The following CAMTA1 variants were observed in gnomAD, a reference collection of about 807,000 sequenced individuals.
CAMTA1 encodes calmodulin-binding transcription activator 1.
Under a neutral mutation model 170.9 loss-of-function variants are expected in CAMTA1, and 27 were observed. The observed-to-expected ratio is 0.16, with a 90% CI of 0.12 to 0.22. The LOEUF is 0.22. Among genes scored for constraint, CAMTA1 ranks in the 10% least tolerant of loss-of-function variants. The pLI, the probability that CAMTA1 is intolerant of heterozygous loss-of-function variation, is 1.00. For synonymous variants in CAMTA1, 833 were observed against 891.5 expected (o/e 0.93, Z 1.17); for missense variants, 1,619 against 2,217.2 (o/e 0.73, Z 5.42).
At chr1:7,307,429 G>A (rs964915559) in intron 5 of CAMTA1, among the ~76,000 whole-genome samples, 1 of 151,630 alleles carries the variant, frequency 6.6e-6, no homozygotes, top group Admixed American at 6.6e-5. Flanking sequence ...CAATTTACAG[G>A]CTTTTATTTC....
intron 5 of CAMTA1, among the ~76,000 whole-genome samples, chr1:7,327,720 T>G (rs1490147246): frequency 6.6e-6 from 1 of 152,202 alleles, no homozygotes; most frequent in African/African-American, 2.4e-5. Context: ...TTATGTTTTC[T>G]CTCCATTCCA....
At chr1:6,960,487 C>T (rs1300892516) in intron 3 of CAMTA1, among the ~76,000 whole-genome samples, 1 of 152,102 alleles carries the variant, frequency 6.6e-6, no homozygotes, top group East Asian at 1.9e-4. Flanking sequence ...GGCACTGGGT[C>T]CAGATTTAGT....
Position 7,124,019 on chromosome 1 carries a change from G to A in CAMTA1, c.302+32648G>A, listed in dbSNP as rs144871873. On this transcript the variant is annotated intron_variant, in intron 4 of 22. Coordinates refer to ENST00000303635, the MANE Select transcript of CAMTA1 (RefSeq NM_015215.4). ...TTCTCAGCTGCAGGAATGCGTCTTG[G>A]CCAGAGGTGGGTTGGGCTTGGGGGC... Among the ~76,000 whole-genome samples the A allele has an allele frequency of 3.3e-5, 5 of 152,288 alleles. No individual in the cohort carries two copies. In the East Asian group the frequency reaches 9.7e-4, roughly 29 times the overall value.
chr1:6,884,610 A>G (rs1672655534), intron 3 of CAMTA1, among the ~76,000 whole-genome samples: 1 of 152,188 alleles, frequency 6.6e-6, no homozygotes, highest in Non-Finnish European at 1.5e-5. Context: ...CTGCAGTATC[A>G]TAATTAACCA....
intron 5 of CAMTA1, among the ~76,000 whole-genome samples, chr1:7,447,898 CA>C (rs2149443971): frequency 6.6e-6 from 1 of 152,328 alleles, no homozygotes; most frequent in African/African-American, 2.4e-5. Flanking sequence ...TGCAGAGAAG[CA>C]AAGCTATTTG....
At chr1:6,940,992 A>C (rs906761854) in intron 3 of CAMTA1, among the ~76,000 whole-genome samples, 83 of 9,014 alleles carry the variant, frequency 9.2e-3, no homozygotes, top group Non-Finnish European at 2.8e-3. Flanking sequence ...AGGCAAGGGG[A>C]GATTCTTACA....
chr1:7,374,511 G>C (rs1257496324), intron 5 of CAMTA1, among the ~76,000 whole-genome samples: 3 of 152,242 alleles, frequency 2.0e-5, no homozygotes, highest in Admixed American at 1.3e-4. Flanking sequence ...ATTCTGCCTA[G>C]CAGTTTGCTC....
intron 7 of CAMTA1, among the ~76,000 whole-genome samples, chr1:7,651,523 C>A (rs111590854): frequency 0.016 from 2,435 of 152,348 alleles, 56 homozygotes; most frequent in African/African-American, 0.055. Context: ...CTGAGGCAGA[C>A]TTCTGGAGTT....
At chr1:7,395,197 T>TATTGTTTC (rs909076557) in intron 5 of CAMTA1, among the ~76,000 whole-genome samples, 2 of 152,222 alleles carry the variant, frequency 1.3e-5, no homozygotes, top group Non-Finnish European at 2.9e-5. Context: ...CTAGTAGTTT[T>TATTGTTTC]ATTGTTTCAG....
intron 5 of CAMTA1, among the ~76,000 whole-genome samples, chr1:7,280,852 G>A (rs1403602841): frequency 2.0e-5 from 3 of 152,232 alleles, no homozygotes; most frequent in Admixed American, 6.5e-5. Context: ...GGACAATGGC[G>A]TGGTGCATCA....
At chr1:7,129,248 G>A (rs1645112087) in intron 4 of CAMTA1, among the ~76,000 whole-genome samples, 1 of 152,152 alleles carries the variant, frequency 6.6e-6, no homozygotes, top group Non-Finnish European at 1.5e-5. Flanking sequence ...TATTAGGTTG[G>A]TGTAAACTGT....
Position 7,738,591 on chromosome 1 carries a change from C to A in CAMTA1, c.4182+109C>A. ...GTCATTTTCCTCCCCGTGAAGCCTT[C>A]GAAGTTGGCTTTGTGCAGAACATCG... On this transcript the variant is annotated intron_variant, in intron 16 of 22. Transcript: ENST00000303635. The surrounding 1 kb of genome is among the most constrained non-coding windows in gnomAD (Gnocchi z 4.9). 7.9e-7 allele frequency: 1 copy of A among 1,259,434 alleles called. No homozygotes were observed. Among genetic ancestry groups the A allele is most frequent in the African/African-American group, 1.5e-5 (1 of 66,672 alleles). The allele number at this position is 1,259,434 out of a possible 1,614,324, so 78.0% of individuals were successfully genotyped here. A position where few individuals can be genotyped will look rare whatever the true frequency, so the allele number is the denominator to read the frequency against.
intron 3 of CAMTA1, among the ~76,000 whole-genome samples, chr1:6,995,332 C>T (rs770343983): frequency 2.0e-5 from 2 of 98,162 alleles, no homozygotes; most frequent in Non-Finnish European, 3.8e-5. Context: ...GATGGAGTCT[C>T]ACTCTGTCGC....
At chr1:7,454,678 G>A (rs1159433051) in intron 5 of CAMTA1, among the ~76,000 whole-genome samples, 3 of 152,056 alleles carry the variant, frequency 2.0e-5, no homozygotes, top group Non-Finnish European at 2.9e-5. Flanking sequence ...CCCCCGCTTC[G>A]TCCTACTCAG....
At chr1:7,731,053 A>G (rs958256618) in intron 11 of CAMTA1, among the ~76,000 whole-genome samples, 9 of 152,230 alleles carry the variant, frequency 5.9e-5, no homozygotes, top group African/African-American at 1.4e-4. Context: ...TCTTATGTAC[A>G]TGGATAGGTG....
At chr1:7,013,216 T>G (rs1700076156) in intron 3 of CAMTA1, among the ~76,000 whole-genome samples, 1 of 135,550 alleles carries the variant, frequency 7.4e-6, no homozygotes, top group Non-Finnish European at 1.6e-5. Context: ...CTTCTTTTTT[T>G]TTTTTTTTTT....
At chr1:7,120,052 C>T (rs555232085) in intron 4 of CAMTA1, among the ~76,000 whole-genome samples, 7 of 152,116 alleles carry the variant, frequency 4.6e-5, no homozygotes, top group South Asian at 4.2e-4. Flanking sequence ...ATGAGGAAAC[C>T]GAGGCTGAGT....
intron 1 of CAMTA1, among the ~76,000 whole-genome samples, chr1:6,812,409 C>T (rs1460023679): frequency 6.6e-6 from 1 of 152,152 alleles, no homozygotes; most frequent in Non-Finnish European, 1.5e-5. Flanking sequence ...GTTATACGTA[C>T]ATAATATTGA....
intron 5 of CAMTA1, among the ~76,000 whole-genome samples, chr1:7,373,596 A>T (rs1157183186): frequency 6.6e-6 from 1 of 152,218 alleles, no homozygotes; most frequent in East Asian, 1.9e-4. Flanking sequence ...GACAACAGGA[A>T]ACCCAAAACA....
Sources: allele counts gnomAD v4.1 joint callset (sites outside exome capture counted in the v4.1 genomes callset), GRCh38; gene constraint gnomAD v4.1.1; non-coding constraint Gnocchi (gnomAD v3.1); transcripts MANE v1.5; gene names NCBI Gene and HGNC (gene_info 2026-07-23, HGNC 2026-07-21).